Variants in CFAP58 observed in about 807,000 individuals in gnomAD.
CFAP58 encodes cilia and flagella associated protein 58.
CFAP58 carries 88 observed loss-of-function variants against 119.5 expected under a neutral mutation model. The ratio of observed to expected loss-of-function variants is 0.74; its 90% CI spans 0.62 to 0.88. The LOEUF (loss-of-function observed/expected upper bound fraction) is 0.88. CFAP58 is among the 40% of genes least tolerant of loss of function. CFAP58 has a pLI of 0.00. For missense variants in CFAP58, 990 were observed against 1,021.2 expected (o/e 0.97, Z 0.42); for synonymous variants, 365 against 366.3 (o/e 1.00, Z 0.04).
At chr10:104,388,855 G>A (rs938901941) in intron 9 of CFAP58, among the ~76,000 whole-genome samples, 3 of 152,164 alleles carry the variant, frequency 2.0e-5, no homozygotes, top group Admixed American at 6.6e-5. Flanking sequence ...ATAAACTGAG[G>A]CTGTACTTCT....
At chr10:104,434,100 C>T (rs1013310364) in intron 15 of CFAP58, among the ~76,000 whole-genome samples, 1 of 152,220 alleles carries the variant, frequency 6.6e-6, no homozygotes, top group African/African-American at 2.4e-5. Context: ...CTTAGCCTCA[C>T]TCAGCCTCTG....
chr10:104,420,869 C>T (rs1320734380), intron 15 of CFAP58, among the ~76,000 whole-genome samples: 1 of 151,448 alleles, frequency 6.6e-6, no homozygotes, highest in Non-Finnish European at 1.5e-5. Flanking sequence ...CCTCCCACCT[C>T]AGCCTCCTGA....
At position 104,438,356 on chromosome 10, in the gene CFAP58, TTTTTGTTTTTTTTTTTTG is replaced by T. The variant is rs1344662124; in HGVS notation, c.2257-9337_2257-9320del. ...TTTGTTTTTTGTTTTTTGTTTTTTT[TTTTTGTTTTTTTTTTTTG>T]TTTTTTTTTTTTGAGACGGAGTCTC... On this transcript the variant is annotated intron_variant, in intron 15 of 17. Transcript: ENST00000369704. Among the ~76,000 whole-genome samples, 821 of 84,702 alleles carry T rather than the reference TTTTTGTTTTTTTTTTTTG, an allele frequency of 9.7e-3. 72 individuals are homozygous for T. Among genetic ancestry groups the T allele is most frequent in the African/African-American group, 0.032 (780 of 24,384 alleles). The allele number at this position is 84,702 out of a possible 152,430, so 55.6% of individuals were successfully genotyped here.
At chr10:104,367,480 CAAAT>C (rs2014765329) in intron 5 of CFAP58, among the ~76,000 whole-genome samples, 1 of 151,918 alleles carries the variant, frequency 6.6e-6, no homozygotes, top group African/African-American at 2.4e-5. Flanking sequence ...AGTCAGAAGT[CAAAT>C]AGATAATTCA....
chr10:104,388,465 C>A (rs1159818527), intron 9 of CFAP58, among the ~76,000 whole-genome samples: 1 of 152,110 alleles, frequency 6.6e-6, no homozygotes, highest in East Asian at 1.9e-4. Context: ...AGATATGCCT[C>A]TCTAAATTCA....
At chr10:104,438,815 A>G (rs1385148176) in intron 15 of CFAP58, among the ~76,000 whole-genome samples, 10 of 152,258 alleles carry the variant, frequency 6.6e-5, no homozygotes, top group African/African-American at 2.4e-4. Flanking sequence ...TGAACTTGGG[A>G]ACATGCACAA....
intron 9 of CFAP58, among the ~76,000 whole-genome samples, chr10:104,381,008 G>A (rs1214535685): frequency 6.6e-6 from 1 of 151,988 alleles, no homozygotes; most frequent in South Asian, 2.1e-4. Flanking sequence ...AAATTAGTTG[G>A]GCATGGTGGT....
chr10:104,357,914 CAT>C (rs745399432), intron 1 of CFAP58, among the ~76,000 whole-genome samples: 1,111 of 108,608 alleles, frequency 0.01, 59 homozygotes, highest in Admixed American at 0.018. Context: ...CATATACACA[CAT>C]ATATGTACAC....
In CFAP58 at chr10:104,393,381, A is replaced by T; in HGVS notation, c.1580A>T (p.Asp527Val). 1 of 1,613,980 alleles carries T rather than the reference A, an allele frequency of 6.2e-7. No homozygotes were observed. The highest frequency in any genetic ancestry group is 8.5e-7 in the Non-Finnish European group (1 of 1,179,838). ...RKLKIMIHQV[D>V]ELKEDISAKE... ...TTAAAGATTATGATCCATCAGGTAG[A>T]TGAGCTGAAAGAAGACATCTCTGCC... is the stretch of plus-strand genomic sequence containing the variant. The change falls in exon 11 of 18, where the codon GAT becomes GTT. Residue 527 changes from aspartate (D) to valine (V), a missense_variant. Asp to Val is a radical substitution (Grantham distance 152, BLOSUM62 -3). Coordinates refer to ENST00000369704, the MANE Select transcript of CFAP58 (RefSeq NM_001008723.2).
intron 11 of CFAP58, 81 bp downstream of exon 11, chr10:104,393,556 A>G (rs943104288): frequency 8.6e-6 from 12 of 1,395,596 alleles, no homozygotes; most frequent in Non-Finnish European, 1.2e-5. Context: ...GAAGGCAGCC[A>G]GGGGCAGGGA....
intron 6 of CFAP58, among the ~76,000 whole-genome samples, chr10:104,369,193 G>T (rs1238606683): frequency 6.6e-6 from 1 of 152,136 alleles, no homozygotes; most frequent in Non-Finnish European, 1.5e-5. Context: ...TCCCTACTCT[G>T]GTTATGTTAG....
intron 11 of CFAP58, among the ~76,000 whole-genome samples, chr10:104,397,490 G>A (rs1589921425): frequency 1.3e-5 from 2 of 152,328 alleles, no homozygotes; most frequent in African/African-American, 4.8e-5. Flanking sequence ...CTGAGGTGTA[G>A]AATTAATGAC....
chr10:104,416,246 T>G (rs1242838217), intron 15 of CFAP58, among the ~76,000 whole-genome samples: 1 of 152,176 alleles, frequency 6.6e-6, no homozygotes, highest in Admixed American at 6.5e-5. Context: ...TAATGAACAG[T>G]GACACGGAAA....
Position 104,362,106 on chromosome 10 carries a change from G to A in CFAP58, c.375G>A (p.Glu125=). 3 of 1,614,108 alleles carry A rather than the reference G, an allele frequency of 1.9e-6. No individual in the cohort carries two copies. The African/African-American group carries it at 4.0e-5, about 22-fold the overall frequency. The part of the protein sequence containing the change: ...KAKETILALK[E]EIVNLTKLVE... ...AGGAGACGATTCTTGCTCTGAAAGA[G>A]GAAATAGTGAACCTGACCAAACTAG... Residue 125 remains glutamate (E), a synonymous_variant, in exon 3 of 18, where the codon GAG becomes GAA. Coordinates refer to ENST00000369704, the MANE Select transcript of CFAP58 (RefSeq NM_001008723.2).
At chr10:104,438,827 A>G (rs1314418448) in intron 15 of CFAP58, among the ~76,000 whole-genome samples, 1 of 152,244 alleles carries the variant, frequency 6.6e-6, no homozygotes, top group African/African-American at 2.4e-5. Context: ...CATGCACAAG[A>G]ATGTTCATAA....
In CFAP58 at chr10:104,409,488, C is replaced by T. The variant is rs2065696; in HGVS notation, c.2256+2695C>T. Among the ~76,000 whole-genome samples the T allele has an allele frequency of 8.8e-3, 1,333 of 152,230 alleles. 73 individuals are homozygous for T. The highest frequency in any genetic ancestry group is 0.079 in the Admixed American group (1,212 of 15,280). On this transcript the variant is annotated intron_variant, in intron 15 of 17. Coordinates refer to ENST00000369704, the MANE Select transcript of CFAP58 (RefSeq NM_001008723.2). ...CTAAATGCTCTGGGTTCAGTGTTCT[C>T]TGTTTGTTCGTTAGATCAACCTTGT...
chr10:104,418,201 T>C (rs1007944551), intron 15 of CFAP58, among the ~76,000 whole-genome samples: 17 of 152,204 alleles, frequency 1.1e-4, no homozygotes, highest in African/African-American at 4.1e-4. Context: ...AAAGCTGGCG[T>C]TGGTTACTGC....
At chr10:104,379,643 G>A (rs2011742336) in intron 8 of CFAP58, among the ~76,000 whole-genome samples, 1 of 152,154 alleles carries the variant, frequency 6.6e-6, no homozygotes, top group Admixed American at 6.5e-5. Context: ...CAAGATAAAG[G>A]CTAGAACTAG....
intron 14 of CFAP58, 46 bp downstream of exon 14, chr10:104,403,886 T>G (rs765089347): frequency 3.2e-6 from 4 of 1,238,492 alleles, no homozygotes; most frequent in Non-Finnish European, 3.5e-6. Context: ...TCTCTCCTCC[T>G]ATCCCACGCG....
Sources: allele counts gnomAD v4.1 joint callset (sites outside exome capture counted in the v4.1 genomes callset), GRCh38; gene constraint gnomAD v4.1.1; transcripts MANE v1.5; gene names NCBI Gene and HGNC (gene_info 2026-07-23, HGNC 2026-07-21).